The following BACH2 variants were observed in gnomAD, a reference collection of about 807,000 sequenced individuals.
The protein encoded by BACH2 is transcription regulator protein BACH2.
Under a neutral mutation model 61.8 loss-of-function variants are expected in BACH2, and 5 were observed. That is an observed-to-expected ratio of 0.08 (90% CI 0.04 to 0.17). The LOEUF (loss-of-function observed/expected upper bound fraction) is 0.17. BACH2 is among the 10% of genes least tolerant of loss of function. The pLI is 1.00. For missense variants in BACH2, 824 were observed against 1,091.1 expected, an observed-to-expected ratio of 0.76 and a Z score of 3.45; for synonymous variants, 446 against 440.1, an observed-to-expected ratio of 1.01 and a Z score of -0.17.
intron 6 of BACH2, among the ~76,000 whole-genome samples, chr6:89,958,540 T>C (rs1333039562): frequency 6.6e-6 from 1 of 152,256 alleles, no homozygotes; most frequent in Non-Finnish European, 1.5e-5. Context: ...ACCAGTATTA[T>C]TGCTGTTGCT....
At chr6:90,181,340 T>C (rs1304763125) in intron 4 of BACH2, among the ~76,000 whole-genome samples, 1 of 151,990 alleles carries the variant, frequency 6.6e-6, no homozygotes, top group Non-Finnish European at 1.5e-5. Flanking sequence ...TGTGTGTGTG[T>C]GTGTGTGTGT....
At chr6:90,225,829 A>T (rs1341293555) in intron 3 of BACH2, among the ~76,000 whole-genome samples, 1 of 152,228 alleles carries the variant, frequency 6.6e-6, no homozygotes, top group Non-Finnish European at 1.5e-5. Context: ...GCAATTTTAC[A>T]TAGGATAGTC....
At chr6:90,151,925 T>C (rs181450524) in intron 4 of BACH2, among the ~76,000 whole-genome samples, 8 of 152,342 alleles carry the variant, frequency 5.3e-5, no homozygotes, top group Non-Finnish European at 2.9e-5. Context: ...TTTGTCCTTT[T>C]TTCTGCTAAA....
intron 5 of BACH2, among the ~76,000 whole-genome samples, chr6:90,077,077 G>A (rs149603514): frequency 6.6e-6 from 1 of 152,226 alleles, no homozygotes; most frequent in Non-Finnish European, 1.5e-5. Context: ...GCCCCGCCTG[G>A]CCAGTACCCT....
intron 5 of BACH2, chr6:90,062,905 C>T (rs1780758533): frequency 2.0e-6 from 2 of 985,176 alleles, no homozygotes; most frequent in African/African-American, 1.7e-5. Flanking sequence ...AAGACTTGAA[C>T]ACATTCCAGT....
At chr6:90,014,442 A>G (rs71548745) in intron 5 of BACH2, among the ~76,000 whole-genome samples, 2,115 of 54,760 alleles carry the variant, frequency 0.039, 23 homozygotes, top group African/African-American at 0.097. Flanking sequence ...GTGTGTGTGT[A>G]TATATATATA....
In BACH2 at chr6:90,146,617, A is replaced by G. The variant is rs548303906; in HGVS notation, c.-161-57508T>C. 3.9e-5 allele frequency among the ~76,000 whole-genome samples: 6 copies of G among 152,352 alleles called. No individual in the cohort carries two copies. In the South Asian group the frequency reaches 1.0e-3, roughly 26 times the overall value. On this transcript the variant is annotated intron_variant, in intron 4 of 8. Transcript: ENST00000257749. ...CATACTTAAATAGATGACTGGTCTCAACACACACACAAAATAGAAAATTGA... is the reference window on the plus strand; with the variant it reads ...CATACTTAAATAGATGACTGGTCTCGACACACACACAAAATAGAAAATTGA...
chr6:90,059,029 A>C (rs1780533041), intron 5 of BACH2, among the ~76,000 whole-genome samples: 2 of 152,200 alleles, frequency 1.3e-5, no homozygotes, highest in African/African-American at 4.8e-5. Context: ...CCCTAGAAGA[A>C]AACTTAGGCA....
At chr6:90,190,860 T>C (rs536031695) in intron 4 of BACH2, among the ~76,000 whole-genome samples, 25 of 152,354 alleles carry the variant, frequency 1.6e-4, no homozygotes, top group Admixed American at 3.9e-4. Flanking sequence ...GTTTCACATA[T>C]GGAGACACCA....
At chr6:89,958,386 C>T (rs1031263938) in intron 6 of BACH2, among the ~76,000 whole-genome samples, 2 of 152,192 alleles carry the variant, frequency 1.3e-5, no homozygotes, top group African/African-American at 4.8e-5. Context: ...CTGCTGTCTA[C>T]CAGCTGTGTC....
intron 4 of BACH2, among the ~76,000 whole-genome samples, chr6:90,110,792 T>C (rs1035809986): frequency 4.6e-5 from 7 of 152,172 alleles, no homozygotes; most frequent in African/African-American, 7.2e-5. Flanking sequence ...AAGCAGCCAG[T>C]TCAGCTTGCG....
At chr6:90,125,588 TA>T (rs1783814492) in intron 4 of BACH2, among the ~76,000 whole-genome samples, 1 of 152,162 alleles carries the variant, frequency 6.6e-6, no homozygotes, top group African/African-American at 2.4e-5. Context: ...TCACTGGGTG[TA>T]AAACTGCTTC....
chr6:89,998,692 CTTT>C (rs540354097), intron 6 of BACH2, among the ~76,000 whole-genome samples: 1 of 146,390 alleles, frequency 6.8e-6, no homozygotes, highest in African/African-American at 2.5e-5. Flanking sequence ...TCTTTTTTCC[CTTT>C]TTTTTTTTAA....
intron 6 of BACH2, among the ~76,000 whole-genome samples, chr6:89,984,228 A>G (rs1424957713): frequency 1.3e-5 from 2 of 152,182 alleles, no homozygotes; most frequent in African/African-American, 2.4e-5. Flanking sequence ...CTACAATTAC[A>G]AGATGTCCAC....
intron 5 of BACH2, among the ~76,000 whole-genome samples, chr6:90,060,751 A>T (rs535253991): frequency 6.6e-6 from 1 of 152,214 alleles, no homozygotes; most frequent in East Asian, 1.9e-4. Flanking sequence ...CTAGAAGCCT[A>T]AATTACATTT....
rs549320247 is a variant in BACH2 at position 89,930,047 on chromosome 6, A to C, written c.*2361T>G. 1 of 151,576 alleles carries C rather than the reference A, an allele frequency of 6.6e-6. No individual in the cohort carries two copies. The highest frequency in any genetic ancestry group is 2.4e-5 in the African/African-American group (1 of 41,118). 9.4% of individuals were successfully genotyped at this position (151,576 alleles called of 1,614,324 possible). On this transcript the variant is annotated 3_prime_UTR_variant, in exon 9 of 9. Coordinates refer to ENST00000257749, the MANE Select transcript of BACH2 (RefSeq NM_021813.4). ...AAGCACAGAACTGTCCTAGTAGGCC[A>C]AGAAATTCCAACAACCATAACAAAA...
intron 4 of BACH2, among the ~76,000 whole-genome samples, chr6:90,149,018 A>G (rs1784719414): frequency 2.0e-5 from 3 of 152,144 alleles, no homozygotes; most frequent in Non-Finnish European, 4.4e-5. Context: ...AAAGCTAGGC[A>G]AGGCATCCCA....
chr6:90,251,012 G>C (rs1417483926), intron 3 of BACH2, among the ~76,000 whole-genome samples: 2 of 152,164 alleles, frequency 1.3e-5, no homozygotes, highest in African/African-American at 2.4e-5. Context: ...ATAGAGCTGA[G>C]ATATAGGCCC....
Position 90,060,095 on chromosome 6 carries a change from T to C in BACH2, c.-13+28866A>G, listed in dbSNP as rs1339953384. Among the ~76,000 whole-genome samples the C allele has an allele frequency of 2.7e-5, 4 of 150,700 alleles. No individual in the cohort carries two copies. The East Asian group carries it at 7.8e-4, about 29-fold the overall frequency. The stretch of plus-strand genomic sequence containing the variant: ...ACGTATGTAACGAAGCTGCACGTCG[T>C]GCACATGTACCCTAAAACTTAAAGT... On this transcript the variant is annotated intron_variant, in intron 5 of 8. Coordinates refer to ENST00000257749, the MANE Select transcript of BACH2 (RefSeq NM_021813.4).
Sources: gnomAD v4.1 joint callset for allele counts (sites outside exome capture counted in the v4.1 genomes callset) on GRCh38, gnomAD v4.1.1 for gene constraint, MANE v1.5 for transcripts, NCBI Gene and HGNC (gene_info 2026-07-23, HGNC 2026-07-21) for gene names.